Variants in FRMPD4 observed in about 807,000 individuals in gnomAD.
The protein encoded by FRMPD4 is FERM and PDZ domain containing 4.
In FRMPD4, 22 loss-of-function variants were observed where a neutral mutation model predicts 94.1. The observed-to-expected ratio is 0.23, with a 90% CI of 0.17 to 0.33. FRMPD4 has a LOEUF of 0.33. FRMPD4 is among the 10% of genes least tolerant of loss of function. The pLI, the probability that FRMPD4 is intolerant of heterozygous loss-of-function variation, is 1.00. For synonymous variants in FRMPD4, 631 were observed against 548.6 expected (o/e 1.15, Z -2.10); for missense variants, 1,111 against 1,339.9 (o/e 0.83, Z 2.67).
At chrX:12,319,346 A>G (rs1217469580) in intron 1 of FRMPD4, among the ~76,000 whole-genome samples, 3 of 112,182 alleles carry the variant, frequency 2.7e-5, no homozygotes, top group Admixed American at 9.4e-5. Context: ...GCATTTTGCA[A>G]TTATCTGGAA....
chrX:11,862,766 G>A (rs1374050275), intron 1 of FRMPD4, among the ~76,000 whole-genome samples: 7 of 110,761 alleles, frequency 6.3e-5, no homozygotes. Context: ...AAGTCATACT[G>A]AGTCTGTCAG....
At chrX:12,062,180 G>A (rs139199530) in intron 3 of FRMPD4, among the ~76,000 whole-genome samples, 1 of 111,728 alleles carries the variant, frequency 9.0e-6, no homozygotes, top group East Asian at 2.8e-4. Flanking sequence ...AATGCTCATG[G>A]ACTAAACTTT....
At chrX:12,082,733 G>C (rs1023517326) in intron 3 of FRMPD4, among the ~76,000 whole-genome samples, 1 of 111,200 alleles carries the variant, frequency 9.0e-6, no homozygotes, top group South Asian at 3.8e-4. Flanking sequence ...AGGATGAGGT[G>C]GTCTCAGATG....
At position 11,840,017 on chromosome X, in the gene FRMPD4, T is replaced by A. The variant is rs147406984; in HGVS notation, c.-161+17302T>A. ...TAAGTTTTGAAATTGGATATGTAAG[T>A]CCTCTAACTTTGTTTCTCCTTTTTC... is the stretch of plus-strand genomic sequence containing the variant. On this transcript the variant is annotated intron_variant, in intron 1 of 18. Transcript: ENST00000640291. 6.3e-3 allele frequency among the ~76,000 whole-genome samples: 710 copies of A among 111,829 alleles called. 7 individuals carry two copies. The highest frequency in any genetic ancestry group is 0.021 in the African/African-American group (657 of 30,873).
chrX:12,108,177 G>A (rs1190698555), intron 3 of FRMPD4, among the ~76,000 whole-genome samples: 1 of 111,650 alleles, frequency 9.0e-6, no homozygotes, highest in Non-Finnish European at 1.9e-5. Flanking sequence ...CAGAGAGAAA[G>A]GTCGGGTTAC....
chrX:12,677,804 G>A (rs554139526), intron 5 of FRMPD4, among the ~76,000 whole-genome samples: 1 of 111,631 alleles, frequency 9.0e-6, no homozygotes, highest in East Asian at 2.8e-4. Context: ...CTAGGTCAAG[G>A]GGGAATGGGG....
chrX:11,930,202 T>G (rs1333920282), intron 3 of FRMPD4, among the ~76,000 whole-genome samples: 1 of 105,362 alleles, frequency 9.5e-6, no homozygotes, highest in Admixed American at 1.1e-4. Flanking sequence ...AAAGTGCAAG[T>G]GGCAAAACGT....
chrX:12,216,553 C>T (rs964284818), intron 1 of FRMPD4, among the ~76,000 whole-genome samples: 4 of 111,564 alleles, frequency 3.6e-5, no homozygotes, highest in Non-Finnish European at 7.5e-5. Flanking sequence ...AATGGAATAT[C>T]TATTGGTGTG....
rs758743463 is a variant in FRMPD4, at chrX:11,909,671, T to C, written c.95+31653T>C. ...CTTTTTAGTATATTCATTAATGTTA[T>C]AATTCTCCCTCTAATCACTGCTTTA... is the stretch of plus-strand genomic sequence containing the variant. On this transcript the variant is annotated intron_variant, in intron 3 of 18. Transcript: ENST00000640291. Among the ~76,000 whole-genome samples, 200 of 110,694 alleles carry C rather than the reference T, an allele frequency of 1.8e-3. 1 individual carries two copies. The highest frequency in any genetic ancestry group is 3.3e-3 in the Non-Finnish European group (177 of 52,893).
intron 3 of FRMPD4, among the ~76,000 whole-genome samples, chrX:12,080,627 A>G (rs2055054471): frequency 8.9e-6 from 1 of 112,465 alleles, no homozygotes; most frequent in Non-Finnish European, 1.9e-5. Flanking sequence ...ATAAGAAAAT[A>G]TCAGCACCTG....
chrX:12,298,383 C>T (rs2054806627), intron 1 of FRMPD4, among the ~76,000 whole-genome samples: 1 of 112,316 alleles, frequency 8.9e-6, no homozygotes, highest in Non-Finnish European at 1.9e-5. Context: ...CAATGTTCTA[C>T]CTTAATCCAT....
chrX:12,195,706 G>A (rs1320694269), intron 1 of FRMPD4, among the ~76,000 whole-genome samples: 1 of 111,913 alleles, frequency 8.9e-6, no homozygotes, highest in African/African-American at 3.2e-5. Context: ...CAGAAGCTGA[G>A]TTCCCAGGAG....
intron 9 of FRMPD4, 87 bp downstream of exon 9, chrX:12,694,541 C>T: frequency 1.4e-6 from 1 of 723,148 alleles, no homozygotes; most frequent in Middle Eastern, 3.4e-4. Flanking sequence ...AACTTGAAAT[C>T]TTTCTTTTTT....
intron 3 of FRMPD4, among the ~76,000 whole-genome samples, chrX:11,976,524 T>C (rs1322708260): frequency 8.9e-6 from 1 of 112,391 alleles, no homozygotes; most frequent in Non-Finnish European, 1.9e-5. Context: ...TTGATTTTTA[T>C]TTAAATAAGA....
At chrX:12,656,152 A>G (rs1275951362) in intron 4 of FRMPD4, among the ~76,000 whole-genome samples, 3 of 112,162 alleles carry the variant, frequency 2.7e-5, no homozygotes, top group Admixed American at 1.9e-4. Flanking sequence ...AACTTATTCC[A>G]GTTGCTGACA....
At chrX:12,029,899 A>G (rs1232660028) in intron 3 of FRMPD4, among the ~76,000 whole-genome samples, 1 of 111,814 alleles carries the variant, frequency 8.9e-6, no homozygotes, top group Non-Finnish European at 1.9e-5. Flanking sequence ...TACATAGGGC[A>G]TATATACCAA....
intron 1 of FRMPD4, among the ~76,000 whole-genome samples, chrX:12,443,384 TATC>T (rs1377740104): frequency 1.8e-5 from 2 of 112,519 alleles, no homozygotes; most frequent in African/African-American, 6.5e-5. Context: ...ATATTCAAAA[TATC>T]ATTTTAACAT....
intron 2 of FRMPD4, among the ~76,000 whole-genome samples, chrX:12,523,001 A>C (rs115675433): frequency 0.023 from 2,513 of 110,407 alleles, 78 homozygotes; most frequent in African/African-American, 0.079. Context: ...GGAACCTCTG[A>C]CTCTTTCTCT....
chrX:12,456,202 C>A (rs754695463), intron 1 of FRMPD4, among the ~76,000 whole-genome samples: 18 of 111,923 alleles, frequency 1.6e-4, no homozygotes, highest in Non-Finnish European at 2.6e-4. Flanking sequence ...AATATGAACT[C>A]AAAAATTACT....
Sources: gnomAD v4.1 joint callset for allele counts (sites outside exome capture counted in the v4.1 genomes callset) on GRCh38, gnomAD v4.1.1 for gene constraint, MANE v1.5 for transcripts, NCBI Gene and HGNC (gene_info 2026-07-23, HGNC 2026-07-21) for gene names.